Variants in LRRC43 observed in about 807,000 individuals in gnomAD.
LRRC43 encodes leucine-rich repeat-containing protein 43.
LRRC43 carries 62 observed loss-of-function variants against 64.3 expected under a neutral mutation model. The ratio of observed to expected loss-of-function variants is 0.96; its 90% CI spans 0.79 to 1.19. The LOEUF is 1.19. Among genes scored for constraint, LRRC43 ranks in the 50% most tolerant of loss-of-function variants. The pLI, the probability that LRRC43 is intolerant of heterozygous loss-of-function variation, is 0.00. For synonymous variants in LRRC43, 422 were observed against 382.3 expected (o/e 1.10, Z -1.21); for missense variants, 868 against 845.0 (o/e 1.03, Z -0.34).
At position 122,200,434 on chromosome 12, in the gene LRRC43, A is replaced by G; in HGVS notation, c.1492-98A>G. On this transcript the variant is annotated intron_variant, in intron 8 of 11. Transcript: ENST00000339777. This position sits in a 1 kb window ranked among gnomAD's most constrained non-coding sequence, Gnocchi z 4.6. ...CATGGGAGCCGCACTCCCTGGTTAG[A>G]TGAGTTCTCAGCGCCATTCCAGAAA... 2.5e-6 allele frequency: 4 copies of G among 1,609,236 alleles called. No homozygotes were observed. Among genetic ancestry groups the G allele is most frequent in the Middle Eastern group, 1.7e-4 (1 of 6,034 alleles).
chr12:122,192,195 T>C (rs1404265549), intron 6 of LRRC43, among the ~76,000 whole-genome samples: 1 of 152,126 alleles, frequency 6.6e-6, no homozygotes, highest in Admixed American at 6.6e-5. Context: ...TGGAGTGCAG[T>C]GGCGCAATCT....
At chr12:122,170,973 G>GGCT (rs149235899) in intron 1 of LRRC43, among the ~76,000 whole-genome samples, 4 of 151,974 alleles carry the variant, frequency 2.6e-5, no homozygotes, top group African/African-American at 7.2e-5. Context: ...TGTTGCCACG[G>GGCT]GCTGCTGCTG....
chr12:122,168,146 A>G (rs1417296432), intron 1 of LRRC43, among the ~76,000 whole-genome samples: 1 of 149,318 alleles, frequency 6.7e-6, no homozygotes, highest in Non-Finnish European at 1.5e-5. Flanking sequence ...TAAAAAAAAA[A>G]TAGAAGTGGG....
intron 10 of LRRC43, 138 bp downstream of exon 10, chr12:122,201,072 A>G: frequency 1.7e-6 from 2 of 1,185,174 alleles, no homozygotes; most frequent in Non-Finnish European, 2.4e-6. Context: ...TGGGGCATGC[A>G]GCTGGGCTGC....
At chr12:122,189,621 C>A in intron 4 of LRRC43, 2 of 384,300 alleles carry the variant, frequency 5.2e-6, no homozygotes, top group Non-Finnish European at 1.0e-5. Context: ...GGGTCCCGCC[C>A]CAGTCTGGCT....
intron 3 of LRRC43, 136 bp downstream of exon 3, chr12:122,186,436 T>G (rs1953645679): frequency 3.2e-6 from 2 of 617,170 alleles, no homozygotes; most frequent in South Asian, 3.9e-5. Flanking sequence ...GTAGGTCACT[T>G]TCCTAGAAAA....
chr12:122,190,046 G>A (rs953190545), intron 4 of LRRC43, 84 bp from the exon 5 acceptor site: 1 of 1,108,152 alleles, frequency 9.0e-7, no homozygotes, highest in Non-Finnish European at 1.4e-6. Flanking sequence ...TTAGCCCCAG[G>A]CTCCCCGTCC....
intron 7 of LRRC43, among the ~76,000 whole-genome samples, chr12:122,196,675 A>T (rs975789068): frequency 1.3e-5 from 2 of 152,148 alleles, no homozygotes; most frequent in African/African-American, 4.8e-5. Flanking sequence ...AGGCCGAGGC[A>T]GAAGAATCAC....
At chr12:122,201,423 G>C (rs975694556) in intron 11 of LRRC43, 94 bp downstream of exon 11, 1 of 1,133,672 alleles carries the variant, frequency 8.8e-7, no homozygotes, top group African/African-American at 1.5e-5. Context: ...AAAGGGTGGG[G>C]AATGGTAGCT....
rs367695763 is a variant in LRRC43, at chr12:122,200,161, C to A, written c.1350-28C>A. On this transcript the variant is annotated intron_variant, in intron 7 of 11. Transcript: ENST00000339777. The surrounding 1 kb of genome is among the most constrained non-coding windows in gnomAD (Gnocchi z 4.6). ...TGGCCACAGCCCCTGGGTGACGGCACCCCCGTCTTCATCCCTCCCTCCCCA... is the reference window on the plus strand; with the variant it reads ...TGGCCACAGCCCCTGGGTGACGGCAACCCCGTCTTCATCCCTCCCTCCCCA... 1.9e-6 allele frequency: 3 copies of A among 1,607,250 alleles called. No individual in the cohort carries two copies. Among genetic ancestry groups the A allele is most frequent in the South Asian group, 2.2e-5 (2 of 90,200 alleles).
upstream of LRRC43, among the ~76,000 whole-genome samples, chr12:122,181,339 C>G (rs750305884): frequency 6.6e-6 from 1 of 151,716 alleles, no homozygotes; most frequent in Non-Finnish European, 1.5e-5. Flanking sequence ...GTCAGGAGAT[C>G]GAGACCATCC....
chr12:122,200,956 ATCC>A lies in LRRC43; in HGVS notation c.1809+26_1809+28del. On this transcript the variant is annotated intron_variant, in intron 10 of 11. Transcript: ENST00000339777. The surrounding 1 kb of genome is among the most constrained non-coding windows in gnomAD (Gnocchi z 4.6). ...CAGGGTACAGCCGGGCCCTAGCCAC[ATCC>A]TCCACCTCTGCCTTCGCCCTCCCCA... The A allele has an allele frequency of 6.4e-7, 1 of 1,564,466 alleles. No homozygotes were observed. Among genetic ancestry groups the A allele is most frequent in the East Asian group, 2.2e-5 (1 of 44,518 alleles).
intron 4 of LRRC43, 109 bp downstream of exon 4, chr12:122,187,949 C>T: frequency 2.7e-6 from 3 of 1,096,572 alleles, no homozygotes; most frequent in Non-Finnish European, 4.0e-6. Flanking sequence ...TTGTAACTCC[C>T]AGTTGGCTGC....
Position 122,183,312 on chromosome 12 carries a change from G to C in LRRC43, c.150+18G>C. On this transcript the variant is annotated intron_variant, in intron 1 of 11. Coordinates refer to ENST00000339777, the MANE Select transcript of LRRC43 (RefSeq NM_001098519.2). ...GCAGCTGGGTGCGGGCGCCGGGGCC[G>C]GAACTCTGGGGGCCTGGACCGGCTG... 1 of 1,475,934 alleles carries C rather than the reference G, an allele frequency of 6.8e-7. No individual in the cohort carries two copies. The highest frequency in any genetic ancestry group is 8.9e-7 in the Non-Finnish European group (1 of 1,127,058). The allele number at this position is 1,475,934 out of a possible 1,614,324, so 91.4% of individuals were successfully genotyped here.
At chr12:122,174,014 G>T in intron 1 of LRRC43, 2 of 1,613,710 alleles carry the variant, frequency 1.2e-6, no homozygotes, top group Admixed American at 1.7e-5. Context: ...ACGATGCCGT[G>T]AGCGCATACA....
chr12:122,170,490 G>A (rs1247262990), intron 1 of LRRC43, among the ~76,000 whole-genome samples: 1 of 152,106 alleles, frequency 6.6e-6, no homozygotes, highest in African/African-American at 2.4e-5. Flanking sequence ...AATTAGCCGG[G>A]CGTGGTGGCG....
chr12:122,174,297 A>G (rs1953518374), intron 1 of LRRC43: 1 of 1,090,522 alleles, frequency 9.2e-7, no homozygotes, highest in Non-Finnish European at 1.4e-6. Flanking sequence ...CGCCCATGGC[A>G]AAACCATTTA....
upstream of LRRC43, among the ~76,000 whole-genome samples, chr12:122,182,371 C>A (rs1057092199): frequency 1.4e-4 from 22 of 151,944 alleles, no homozygotes; most frequent in East Asian, 3.9e-4. Flanking sequence ...TAAAAATACA[C>A]ATTAGCGGGG....
chr12:122,196,184 C>T (rs1226699289), intron 7 of LRRC43, among the ~76,000 whole-genome samples: 1 of 152,176 alleles, frequency 6.6e-6, no homozygotes, highest in Admixed American at 6.6e-5. Context: ...CTGTTCTCAG[C>T]AGGAAGGTTT....
Sources: gnomAD v4.1 joint callset for allele counts (sites outside exome capture counted in the v4.1 genomes callset) on GRCh38, gnomAD v4.1.1 for gene constraint, Gnocchi (gnomAD v3.1) non-coding constraint, MANE v1.5 for transcripts, NCBI Gene and HGNC (gene_info 2026-07-23, HGNC 2026-07-21) for gene names.